ZFHX3: variants seen among roughly 807,000 people sequenced by gnomAD.
ZFHX3 encodes the protein zinc finger homeobox 3.
ZFHX3 carries 42 observed loss-of-function variants against 279.1 expected under a neutral mutation model. The observed-to-expected ratio is 0.15, with a 90% CI of 0.12 to 0.19. ZFHX3 has a LOEUF of 0.19. ZFHX3 is among the 10% of genes least tolerant of loss of function. ZFHX3 has a pLI of 1.00. For missense variants in ZFHX3, 4,981 were observed against 4,754.0 expected (o/e 1.05, Z -1.40); for synonymous variants, 2,293 against 1,957.8 (o/e 1.17, Z -4.52).
intron 4 of ZFHX3, among the ~76,000 whole-genome samples, chr16:73,266,614 C>T (rs11863474): frequency 0.45 from 68,484 of 151,930 alleles, 15,975 homozygotes; most frequent in African/African-American, 0.57. Flanking sequence ...GGTTTGGCTG[C>T]GTCCCCACCC....
intron 1 of ZFHX3, among the ~76,000 whole-genome samples, chr16:73,880,880 C>G (rs1051090087): frequency 1.3e-5 from 2 of 152,170 alleles, no homozygotes; most frequent in Non-Finnish European, 2.9e-5. Context: ...CGACATGTCT[C>G]TGCACCCCTT....
chr16:73,717,500 T>C (rs1481427205), intron 1 of ZFHX3, among the ~76,000 whole-genome samples: 2 of 152,166 alleles, frequency 1.3e-5, no homozygotes, highest in East Asian at 3.9e-4. Flanking sequence ...TTTCTTAAGA[T>C]GAGAACAAGC....
chr16:73,214,923 A>C (rs947062784), intron 5 of ZFHX3, among the ~76,000 whole-genome samples: 16 of 138,264 alleles, frequency 1.2e-4, no homozygotes, highest in African/African-American at 4.3e-4. Flanking sequence ...AAACCACACC[A>C]ACTCCTCTGT....
intron 2 of ZFHX3, among the ~76,000 whole-genome samples, chr16:73,606,075 TG>T (rs1385730253): frequency 6.8e-6 from 1 of 146,030 alleles, no homozygotes; most frequent in Non-Finnish European, 1.5e-5. Context: ...CCCAGCTATT[TG>T]GGAGGCTGAG....
intron 1 of ZFHX3, among the ~76,000 whole-genome samples, chr16:73,751,758 A>G (rs1418380126): frequency 6.6e-6 from 1 of 152,096 alleles, no homozygotes; most frequent in African/African-American, 2.4e-5. Context: ...TGCTTCCACA[A>G]CCTCAACTCC....
intron 5 of ZFHX3, among the ~76,000 whole-genome samples, chr16:73,245,976 G>A (rs2013268804): frequency 6.6e-6 from 1 of 152,124 alleles, no homozygotes; most frequent in South Asian, 2.1e-4. Context: ...GCCTTGGGCT[G>A]CTGTGGGATG....
At chr16:73,322,143 G>T (rs561175272) in intron 3 of ZFHX3, among the ~76,000 whole-genome samples, 5 of 152,284 alleles carry the variant, frequency 3.3e-5, no homozygotes, top group Admixed American at 1.3e-4. Context: ...GCAGAGGGAG[G>T]AAGGCTGGGC....
At chr16:73,035,945 C>T (rs899996122) in intron 1 of ZFHX3, among the ~76,000 whole-genome samples, 7 of 152,174 alleles carry the variant, frequency 4.6e-5, no homozygotes, top group Non-Finnish European at 1.5e-5. Context: ...GGTTTAATAC[C>T]AGGACTACCC....
intron 3 of ZFHX3, among the ~76,000 whole-genome samples, chr16:73,446,738 T>C: frequency 6.6e-6 from 1 of 151,636 alleles, no homozygotes. Context: ...TACCGGAGAG[T>C]AGTGGGTGAA....
rs537254363 is a variant in ZFHX3 at position 73,164,997 on chromosome 16, C to G, written c.-1103-21166G>C. 3.9e-5 allele frequency among the ~76,000 whole-genome samples: 6 copies of G among 152,306 alleles called. No individual in the cohort carries two copies. The South Asian group carries it at 1.2e-3, about 32-fold the overall frequency. On this transcript the variant is annotated intron_variant, in intron 5 of 17. Transcript: ENST00000641206. ...ATTCTTCCATACTGCCACTCATTGACAAGCATGGGGATGCATAATTTTGAA... is the reference window on the plus strand; with the variant it reads ...ATTCTTCCATACTGCCACTCATTGAGAAGCATGGGGATGCATAATTTTGAA...
At chr16:73,170,222 A>ATTTTTTTTTTTTTT (rs1323820575) in intron 5 of ZFHX3, among the ~76,000 whole-genome samples, 6 of 36,832 alleles carry the variant, frequency 1.6e-4, no homozygotes, top group Non-Finnish European at 3.1e-4. Context: ...TCCTTTCACT[A>ATTTTTTTTTTTTTT]GTTTTTTTTT....
At chr16:73,275,262 T>C (rs1007967986) in intron 4 of ZFHX3, among the ~76,000 whole-genome samples, 5 of 152,156 alleles carry the variant, frequency 3.3e-5, no homozygotes, top group Non-Finnish European at 7.4e-5. Context: ...CTTCCTCTAT[T>C]TTACATGTTA....
chr16:72,815,995 A>AT (rs1210922536), intron 5 of ZFHX3, among the ~76,000 whole-genome samples: 1 of 152,266 alleles, frequency 6.6e-6, no homozygotes, highest in Non-Finnish European at 1.5e-5. Flanking sequence ...CTATGAAGCA[A>AT]TATGGAAAAA....
chr16:73,819,057 G>A (rs568578242), intron 1 of ZFHX3, among the ~76,000 whole-genome samples: 5 of 152,168 alleles, frequency 3.3e-5, no homozygotes, highest in Admixed American at 6.5e-5. Flanking sequence ...GTGCAACTGG[G>A]TGCTCCTTAC....
At position 73,871,493 on chromosome 16, in the gene ZFHX3, AAAG is replaced by A. The variant is rs200249620; in HGVS notation, c.-1608+20155_-1608+20157del. On this transcript the variant is annotated intron_variant, in intron 1 of 17. Transcript: ENST00000641206. ...CTCCCTGGGAGGACAATAAAAAAAA[AAAG>A]AGAGAGAGAGAGAGAGAGTGTGTGT... 4.0e-3 allele frequency among the ~76,000 whole-genome samples: 602 copies of A among 151,994 alleles called. 3 individuals are homozygous for A. The highest frequency in any genetic ancestry group is 0.014 in the African/African-American group (576 of 41,356).
At chr16:73,674,562 T>C (rs2052935067) in intron 2 of ZFHX3, among the ~76,000 whole-genome samples, 1 of 152,228 alleles carries the variant, frequency 6.6e-6, no homozygotes, top group African/African-American at 2.4e-5. Flanking sequence ...ATTGTAAAGA[T>C]GGCCTCACAT....
chr16:73,588,845 G>T (rs1334596537), intron 2 of ZFHX3, among the ~76,000 whole-genome samples: 2 of 152,062 alleles, frequency 1.3e-5, no homozygotes, highest in Non-Finnish European at 2.9e-5. Context: ...CTGGGGTTGG[G>T]GAGAGAGAAA....
At chr16:72,890,511 T>TC (rs1247936517) in intron 3 of ZFHX3, among the ~76,000 whole-genome samples, 8 of 149,242 alleles carry the variant, frequency 5.4e-5, no homozygotes, top group South Asian at 2.1e-4. Flanking sequence ...TTTTTTTTTT[T>TC]CCCCCAGAGT....
intron 1 of ZFHX3, among the ~76,000 whole-genome samples, chr16:73,029,155 G>T (rs56274700): frequency 0.55 from 83,443 of 151,914 alleles, 24,218 homozygotes; most frequent in East Asian, 0.88. Context: ...GGGGCAGTTC[G>T]GAAAGTCTCT....
Sources: allele counts gnomAD v4.1 joint callset (sites outside exome capture counted in the v4.1 genomes callset), GRCh38; gene constraint gnomAD v4.1.1; transcripts MANE v1.5; gene names NCBI Gene and HGNC (gene_info 2026-07-23, HGNC 2026-07-21).